ARHGAP6: variants seen among roughly 807,000 people sequenced by gnomAD.
ARHGAP6 encodes Rho GTPase activating protein 6.
Under a neutral mutation model 55.7 loss-of-function variants are expected in ARHGAP6, and 16 were observed. That is an observed-to-expected ratio of 0.29 (90% CI 0.19 to 0.44). ARHGAP6 has a LOEUF of 0.44. Among genes scored for constraint, ARHGAP6 ranks in the 20% least tolerant of loss-of-function variants. ARHGAP6 has a pLI of 1.00. For synonymous variants in ARHGAP6, 382 were observed against 360.9 expected (o/e 1.06, Z -0.66); for missense variants, 698 against 808.9 (o/e 0.86, Z 1.66).
chrX:11,594,934 A>C (rs1272485872), intron 1 of ARHGAP6, among the ~76,000 whole-genome samples: 1 of 112,431 alleles, frequency 8.9e-6, no homozygotes, highest in Non-Finnish European at 1.9e-5. Context: ...TAAAAAACAA[A>C]GCCTGAGATG....
chrX:11,263,334 A>G lies in ARHGAP6; in HGVS notation c.589-8627T>C, dbSNP rs184276997. On this transcript the variant is annotated intron_variant, in intron 1 of 12. Coordinates refer to ENST00000337414, the MANE Select transcript of ARHGAP6 (RefSeq NM_013427.3). Reference sequence around the variant, plus strand: ...AAGGGCATTACTAGAAGCTGAGCAGATGACACCACCATGCTTCCTGTATAG... The same window carrying G: ...AAGGGCATTACTAGAAGCTGAGCAGGTGACACCACCATGCTTCCTGTATAG... 3.0e-4 allele frequency among the ~76,000 whole-genome samples: 34 copies of G among 111,773 alleles called. No homozygotes were observed. The East Asian group carries it at 3.4e-3, about 11-fold the overall frequency.
intron 1 of ARHGAP6, among the ~76,000 whole-genome samples, chrX:11,401,027 T>C: frequency 8.9e-6 from 1 of 112,566 alleles, no homozygotes; most frequent in Non-Finnish European, 1.9e-5. Flanking sequence ...AACATTCTTG[T>C]CACATTCATC....
intron 1 of ARHGAP6, among the ~76,000 whole-genome samples, chrX:11,310,244 A>C (rs1271674322): frequency 9.4e-6 from 1 of 106,847 alleles, no homozygotes; most frequent in Non-Finnish European, 1.9e-5. Flanking sequence ...AAGGATGTGG[A>C]ACCCTTACAT....
At chrX:11,177,973 A>T in intron 8 of ARHGAP6, 127 bp downstream of exon 8, 1 of 869,751 alleles carries the variant, frequency 1.1e-6, no homozygotes, top group East Asian at 3.2e-5. Context: ...CTCTTCCTAC[A>T]GAGACAGCTA....
chrX:11,176,300 CAT>C (rs59647126), intron 8 of ARHGAP6, among the ~76,000 whole-genome samples: 231 of 15,547 alleles, frequency 0.015, 3 homozygotes, highest in Non-Finnish European at 0.028. Context: ...TATTTGCATG[CAT>C]ATATATATAT....
chrX:11,351,359 C>T, intron 1 of ARHGAP6: 1 of 965,926 alleles, frequency 1.0e-6, no homozygotes. Context: ...TAACTAAATA[C>T]ACGTGACCTA....
chrX:11,241,573 T>TGTGTGTGTGTGTGC (rs1491462940), intron 2 of ARHGAP6, among the ~76,000 whole-genome samples: 1 of 97,390 alleles, frequency 1.0e-5, no homozygotes, highest in East Asian at 3.2e-4. Context: ...TGTGTGTGTG[T>TGTGTGTGTGTGTGC]GCGCGTGTGT....
intron 1 of ARHGAP6, among the ~76,000 whole-genome samples, chrX:11,573,594 T>C (rs2051557308): frequency 9.0e-6 from 1 of 110,764 alleles, no homozygotes; most frequent in South Asian, 3.9e-4. Flanking sequence ...TGTAGACTTG[T>C]AGTATAGTTT....
chrX:11,167,362 G>A (rs2046031075), intron 9 of ARHGAP6, among the ~76,000 whole-genome samples: 1 of 111,140 alleles, frequency 9.0e-6, no homozygotes, highest in East Asian at 2.8e-4. Flanking sequence ...ATGGAGGGTG[G>A]AGGTGCATTT....
chrX:11,343,990 T>C (rs768582984), intron 1 of ARHGAP6, among the ~76,000 whole-genome samples: 33 of 112,175 alleles, frequency 2.9e-4, no homozygotes, highest in African/African-American at 1.1e-3. Context: ...TTGTAAATGT[T>C]GTTTTGAAGA....
At chrX:11,516,796 A>G (rs1340093326) in intron 1 of ARHGAP6, among the ~76,000 whole-genome samples, 2 of 111,379 alleles carry the variant, frequency 1.8e-5, no homozygotes, top group East Asian at 5.6e-4. Flanking sequence ...TTATGCAAAT[A>G]TTTTTCCAAA....
intron 2 of ARHGAP6, among the ~76,000 whole-genome samples, chrX:11,244,389 A>T (rs940521840): frequency 9.8e-5 from 11 of 111,714 alleles, no homozygotes; most frequent in African/African-American, 3.2e-4. Context: ...TGGACTGGCT[A>T]TGGCCCATGA....
chrX:11,427,422 C>T, intron 1 of ARHGAP6: 1 of 827,545 alleles, frequency 1.2e-6, no homozygotes, highest in Non-Finnish European at 1.5e-6. Flanking sequence ...GTGACGTACC[C>T]GGCCACCCGC....
chrX:11,586,413 A>G (rs2051735013), intron 1 of ARHGAP6, among the ~76,000 whole-genome samples: 1 of 111,828 alleles, frequency 8.9e-6, no homozygotes, highest in Non-Finnish European at 1.9e-5. Context: ...TCCTAGCACC[A>G]TTTATTGAAT....
In ARHGAP6 at chrX:11,547,802, A is replaced by G. The variant is rs768650307; in HGVS notation, c.588+116439T>C. ...AGGAACTGCTGTGGAACAAAAGGTG[A>G]GGAACCACTGATCTAAGCAGTCCTC... On this transcript the variant is annotated intron_variant, in intron 1 of 12. Transcript: ENST00000337414. Among the ~76,000 whole-genome samples the G allele has an allele frequency of 4.4e-5, 5 of 112,381 alleles. No homozygotes were observed. In the South Asian group the frequency reaches 1.1e-3, roughly 25 times the overall value.
intron 1 of ARHGAP6, among the ~76,000 whole-genome samples, chrX:11,604,717 A>G (rs976469190): frequency 8.9e-6 from 1 of 112,059 alleles, no homozygotes; most frequent in African/African-American, 3.2e-5. Context: ...AAAGAGATAA[A>G]CCTATGAGGA....
At chrX:11,498,258 A>T (rs779116489) in intron 1 of ARHGAP6, among the ~76,000 whole-genome samples, 10 of 112,049 alleles carry the variant, frequency 8.9e-5, no homozygotes, top group Middle Eastern at 9.2e-3. Flanking sequence ...GAAGCTGATG[A>T]TTCAAGAGCC....
intron 1 of ARHGAP6, among the ~76,000 whole-genome samples, chrX:11,343,505 C>A (rs1274205722): frequency 1.8e-5 from 2 of 111,739 alleles, no homozygotes; most frequent in Non-Finnish European, 3.8e-5. Flanking sequence ...TAACTTGAGG[C>A]CTTAATAGAT....
At chrX:11,329,548 G>A (rs2048537410) in intron 1 of ARHGAP6, among the ~76,000 whole-genome samples, 1 of 112,375 alleles carries the variant, frequency 8.9e-6, no homozygotes, top group Non-Finnish European at 1.9e-5. Flanking sequence ...CTAACAAGAT[G>A]TTCAAGAATT....
Sources: allele counts gnomAD v4.1 joint callset (sites outside exome capture counted in the v4.1 genomes callset), GRCh38; gene constraint gnomAD v4.1.1; transcripts MANE v1.5; gene names NCBI Gene and HGNC (gene_info 2026-07-23, HGNC 2026-07-21).